Variants in DENND3 observed in about 807,000 individuals in gnomAD.
DENND3 encodes DENN domain containing 3.
Under a neutral mutation model 135.1 loss-of-function variants are expected in DENND3, and 88 were observed. That is an observed-to-expected ratio of 0.65 (90% CI 0.55 to 0.78). DENND3 has a LOEUF of 0.78. DENND3 is among the 30% of genes least tolerant of loss of function. The pLI, the probability that DENND3 is intolerant of heterozygous loss-of-function variation, is 0.00. For missense variants in DENND3, 1,392 were observed against 1,688.4 expected (o/e 0.82, Z 3.08); for synonymous variants, 693 against 712.3 (o/e 0.97, Z 0.43).
At chr8:141,181,077 A>T in intron 17 of DENND3, among the ~76,000 whole-genome samples, 1 of 152,174 alleles carries the variant, frequency 6.6e-6, no homozygotes, top group Non-Finnish European at 1.5e-5. Context: ...CAGAGAGCCC[A>T]CGGGAGATGG....
intron 19 of DENND3, among the ~76,000 whole-genome samples, chr8:141,189,354 C>T (rs149901531): frequency 2.0e-5 from 3 of 152,340 alleles, no homozygotes; most frequent in East Asian, 1.9e-4. Context: ...GTGGGCCAAG[C>T]GTGGTGATGA....
intron 5 of DENND3, among the ~76,000 whole-genome samples, chr8:141,145,803 T>TTATATATA (rs60546894): frequency 9.3e-4 from 81 of 87,044 alleles, no homozygotes; most frequent in Non-Finnish European, 1.6e-3. Flanking sequence ...ATATTGAATA[T>TTATATATA]TATATATATA....
At chr8:141,187,168 G>A (rs1823995619) in intron 18 of DENND3, among the ~76,000 whole-genome samples, 1 of 151,736 alleles carries the variant, frequency 6.6e-6, no homozygotes. Flanking sequence ...CCTTGAGCAT[G>A]ATAGGATTTT....
chr8:141,171,918 G>C (rs1427819359), intron 13 of DENND3, among the ~76,000 whole-genome samples: 1 of 151,652 alleles, frequency 6.6e-6, no homozygotes, highest in African/African-American at 2.4e-5. Context: ...CAGTGGCCGA[G>C]GGTGTGCATG....
At position 141,190,409 on chromosome 8, in the gene DENND3, T is replaced by A. The variant is rs1756008269; in HGVS notation, c.3371T>A (p.Leu1124Gln). ...TCCATCAGACTGCACGGCGGCCGCC[T>A]GTGGTGCTGTAAGTCCGGCCCCTGC... ...LTSIRLHGGR[L>Q]WCCTGNSIMV... Residue 1124 changes from leucine (L) to glutamine (Q), a missense_variant, in exon 20 of 23, where the codon CTG (leucine) becomes CAG (glutamine). By Grantham distance (113) the Leu-to-Gln change is moderately radical. Transcript: ENST00000519811. 6.2e-7 allele frequency: 1 copy of A among 1,608,558 alleles called. No individual in the cohort carries two copies. The highest frequency in any genetic ancestry group is 8.5e-7 in the Non-Finnish European group (1 of 1,178,426).
chr8:141,173,709 G>GGGATCTGAGGATCTGA (rs551850145), intron 13 of DENND3: 1 of 152,218 alleles, frequency 6.6e-6, no homozygotes, highest in African/African-American at 2.4e-5. Flanking sequence ...TTTCAGACTC[G>GGGATCTGAGGATCTGA]GGATCTGAGG....
chr8:141,141,421 G>C lies in DENND3; in HGVS notation c.623+97G>C. On this transcript the variant is annotated intron_variant, in intron 4 of 22. Coordinates refer to ENST00000519811, the MANE Select transcript of DENND3 (RefSeq NM_001352890.3). The surrounding 1 kb of genome is among the most constrained non-coding windows in gnomAD (Gnocchi z 5.3). ...CCAGGGGGCTGGAGGTGGTGGGGGG[G>C]CAGCTCTCTGTTCCTCTCCTGGTGA... 5.9e-5 allele frequency: 71 copies of C among 1,193,570 alleles called. No homozygotes were observed. Among genetic ancestry groups the C allele is most frequent in the Non-Finnish European group, 7.4e-5 (64 of 862,854 alleles). 73.9% of individuals were successfully genotyped at this position (1,193,570 alleles called of 1,614,324 possible).
chr8:141,172,087 C>T lies in DENND3; in HGVS notation c.2276-3113C>T, dbSNP rs562252271. Among the ~76,000 whole-genome samples, 37 of 135,686 alleles carry T rather than the reference C, an allele frequency of 2.7e-4. 1 individual carries two copies. The highest frequency in any genetic ancestry group is 2.4e-3 in the South Asian group (10 of 4,092). 89.0% of individuals were successfully genotyped at this position (135,686 alleles called of 152,430 possible). ...GGGCACGCTGCATAGGGTGGGTGTG[C>T]GCAGTGGTGGTGGGTGTGCACGGTG... On this transcript the variant is annotated intron_variant, in intron 13 of 22. Coordinates refer to ENST00000519811, the MANE Select transcript of DENND3 (RefSeq NM_001352890.3).
intron 1 of DENND3, 129 bp from the exon 2 acceptor site, chr8:141,136,380 G>A: frequency 1.0e-6 from 1 of 993,256 alleles, no homozygotes; most frequent in Non-Finnish European, 1.4e-6. Context: ...TTACTGTTAG[G>A]AGCCTGAGGC....
chr8:141,182,483 A>T lies in DENND3; in HGVS notation c.2944+1629A>T, dbSNP rs933930674. On this transcript the variant is annotated intron_variant, in intron 17 of 22. Transcript: ENST00000519811. This position sits in a 1 kb window ranked among gnomAD's most constrained non-coding sequence, Gnocchi z 5.9. The stretch of plus-strand genomic sequence containing the variant: ...GATACTTTGACCGTGGCATTTGAAT[A>T]CATGGTATTTTTAGGTCCCGGTTGG... 1.0e-6 allele frequency: 1 copy of T among 985,406 alleles called. No homozygotes were observed. Among genetic ancestry groups the T allele is most frequent in the Non-Finnish European group, 1.2e-6 (1 of 829,902 alleles). The allele number at this position is 985,406 out of a possible 1,614,324, so 61.0% of individuals were successfully genotyped here.
intron 6 of DENND3, among the ~76,000 whole-genome samples, chr8:141,151,413 G>C (rs538831445): frequency 6.6e-6 from 1 of 152,258 alleles, no homozygotes; most frequent in African/African-American, 2.4e-5. Context: ...ATTTTACAAT[G>C]AGCTGGATGT....
chr8:141,128,848 G>C lies in DENND3; in HGVS notation c.102+39G>C. 2 of 1,333,622 alleles carry C rather than the reference G, an allele frequency of 1.5e-6. No individual in the cohort carries two copies. Among genetic ancestry groups the C allele is most frequent in the Non-Finnish European group, 1.9e-6 (2 of 1,028,650 alleles). The allele number at this position is 1,333,622 out of a possible 1,614,324, so 82.6% of individuals were successfully genotyped here. On this transcript the variant is annotated intron_variant, in intron 1 of 22. Transcript: ENST00000519811. This position sits in a 1 kb window ranked among gnomAD's most constrained non-coding sequence, Gnocchi z 4.5. ...AAACTGAGGCGGACGTGGGCCACGA[G>C]TCGGCAGCCGGGACAGCAGTCGGAG...
chr8:141,138,846 G>A lies in DENND3; in HGVS notation c.501+709G>A, dbSNP rs1817108221. ...AGTGCCCCGTGGCCTTTTATGGCGAGTGACATTCCATCGTTTGGATGGACC... is the reference window on the plus strand; with the variant it reads ...AGTGCCCCGTGGCCTTTTATGGCGAATGACATTCCATCGTTTGGATGGACC... On this transcript the variant is annotated intron_variant, in intron 3 of 22. Transcript: ENST00000519811. This position sits in a 1 kb window ranked among gnomAD's most constrained non-coding sequence, Gnocchi z 4.8. 6.6e-6 allele frequency among the ~76,000 whole-genome samples: 1 copy of A among 152,208 alleles called. No individual in the cohort carries two copies. Among genetic ancestry groups the A allele is most frequent in the Admixed American group, 6.5e-5 (1 of 15,286 alleles).
At position 141,175,969 on chromosome 8, in the gene DENND3, G is replaced by A. The variant is rs761089295; in HGVS notation, c.2535+510G>A. Reference sequence around the variant, plus strand: ...TCTAAAGGTAGTCATTTTCCCTGTCGAGGAAATCTGAATTTCATCCTGATT... The same window carrying A: ...TCTAAAGGTAGTCATTTTCCCTGTCAAGGAAATCTGAATTTCATCCTGATT... On this transcript the variant is annotated intron_variant, in intron 14 of 22. Coordinates refer to ENST00000519811, the MANE Select transcript of DENND3 (RefSeq NM_001352890.3). This position sits in a 1 kb window ranked among gnomAD's most constrained non-coding sequence, Gnocchi z 5.4. 3 of 186,308 alleles carry A rather than the reference G, an allele frequency of 1.6e-5. No individual in the cohort carries two copies. Among genetic ancestry groups the A allele is most frequent in the Non-Finnish European group, 3.4e-5 (3 of 87,932 alleles). 11.5% of individuals were successfully genotyped at this position (186,308 alleles called of 1,614,324 possible). A position where few individuals can be genotyped will look rare whatever the true frequency, so the allele number is the denominator to read the frequency against.
intron 18 of DENND3, among the ~76,000 whole-genome samples, chr8:141,188,095 C>CAGCCAGGCGTGGTGGCAT: frequency 1.0e-5 from 1 of 95,948 alleles, no homozygotes; most frequent in African/African-American, 4.1e-5. Flanking sequence ...GCGTGGTGGC[C>CAGCCAGGCGTGGTGGCAT]CATGGCTGTA....
intron 22 of DENND3, chr8:141,193,699 A>C (rs1825078397): frequency 7.9e-6 from 3 of 378,500 alleles, no homozygotes; most frequent in Non-Finnish European, 1.5e-5. Flanking sequence ...GTGATATTTC[A>C]GTATACATTG....
chr8:141,175,078 T>G lies in DENND3; in HGVS notation c.2276-122T>G. On this transcript the variant is annotated intron_variant, in intron 13 of 22. Transcript: ENST00000519811. The surrounding 1 kb of genome is among the most constrained non-coding windows in gnomAD (Gnocchi z 5.4). ...GGCAGTTTCCATCCAGCGCCCTGAGTGCTGGCGCCACCTGCTGCCGGGTTC... is the reference window on the plus strand; with the variant it reads ...GGCAGTTTCCATCCAGCGCCCTGAGGGCTGGCGCCACCTGCTGCCGGGTTC... The G allele has an allele frequency of 8.5e-7, 1 of 1,182,056 alleles. No homozygotes were observed. The highest frequency in any genetic ancestry group is 1.2e-6 in the Non-Finnish European group (1 of 843,554). 73.2% of individuals were successfully genotyped at this position (1,182,056 alleles called of 1,614,324 possible). A position where few individuals can be genotyped will look rare whatever the true frequency, so the allele number is the denominator to read the frequency against.
chr8:141,150,239 C>G, intron 5 of DENND3: 4 of 1,067,820 alleles, frequency 3.7e-6, no homozygotes, highest in Non-Finnish European at 4.9e-6. Context: ...CAGAAGCCCT[C>G]CCTCAGTGAA....
At chr8:141,171,351 G>T (rs1387325345) in intron 13 of DENND3, among the ~76,000 whole-genome samples, 1 of 152,158 alleles carries the variant, frequency 6.6e-6, no homozygotes, top group Non-Finnish European at 1.5e-5. Flanking sequence ...TATTAACAGT[G>T]CAAGGCCAAT....
Sources: gnomAD v4.1 joint callset for allele counts (sites outside exome capture counted in the v4.1 genomes callset) on GRCh38, gnomAD v4.1.1 for gene constraint, Gnocchi (gnomAD v3.1) non-coding constraint, MANE v1.5 for transcripts, NCBI Gene and HGNC (gene_info 2026-07-23, HGNC 2026-07-21) for gene names.